OS9: variants seen among roughly 807,000 people sequenced by gnomAD.
The protein encoded by OS9 is OS9 endoplasmic reticulum lectin.
OS9 carries 58 observed loss-of-function variants against 84.7 expected under a neutral mutation model. The ratio of observed to expected loss-of-function variants is 0.68; its 90% CI spans 0.55 to 0.85. The LOEUF is 0.85. OS9 is among the 40% of genes least tolerant of loss of function. The probability of loss-of-function intolerance (pLI) is 0.00; values close to 1 mark genes in which losing one functional copy is unlikely to be tolerated. For synonymous variants in OS9, 278 were observed against 320.8 expected (o/e 0.87, Z 1.43); for missense variants, 760 against 850.9 (o/e 0.89, Z 1.33).
chr12:57,707,058 T>C (rs1305277534), intron 5 of OS9, among the ~76,000 whole-genome samples: 1 of 152,118 alleles, frequency 6.6e-6, no homozygotes, highest in Non-Finnish European at 1.5e-5. Context: ...TCAAATGTAT[T>C]AGTATAAAAT....
In OS9 at chr12:57,720,158, A is replaced by T; in HGVS notation, c.1660A>T (p.Asn554Tyr). The change falls in exon 13 of 15, where the codon AAT (asparagine) becomes TAT (tyrosine). Residue 554 changes from asparagine (N) to tyrosine (Y), a missense_variant. Physicochemically the swap from Asn to Tyr is moderately radical, Grantham distance 143. Coordinates refer to ENST00000315970, the MANE Select transcript of OS9 (RefSeq NM_006812.4). ...RVTKLRLGGP[N>Y]QDLTVLEMKR... ...CACCAAGCTCCGTCTCGGAGGCCCT[A>T]ATCAGGATCTGACTGTCCTCGAGAT... is the stretch of plus-strand genomic sequence containing the variant. The T allele has an allele frequency of 6.2e-7, 1 of 1,614,184 alleles. No homozygotes were observed. Among genetic ancestry groups the T allele is most frequent in the Non-Finnish European group, 8.5e-7 (1 of 1,180,018 alleles).
chr12:57,720,223 G>A lies in OS9; in HGVS notation c.1725G>A (p.Leu575=). 1 of 1,614,162 alleles carries A rather than the reference G, an allele frequency of 6.2e-7. No individual in the cohort carries two copies. The highest frequency in any genetic ancestry group is 8.5e-7 in the Non-Finnish European group (1 of 1,180,034). Residue 575 remains leucine (L), a synonymous_variant, in exon 13 of 15, where the codon CTG becomes CTA. Coordinates refer to ENST00000315970, the MANE Select transcript of OS9 (RefSeq NM_006812.4). ...ENPQLKQIEG[L]VKELLEREGL... is the part of the protein sequence containing the mutation. ...CACAGCTGAAACAAATCGAGGGGCT[G>A]GTGAAGGAGCTGCTGGAGAGGGAGG...
intron 9 of OS9, 104 bp downstream of exon 9, chr12:57,716,848 C>A: frequency 2.0e-6 from 2 of 1,002,838 alleles, no homozygotes; most frequent in Non-Finnish European, 3.2e-6. Context: ...GGTAGCCAGG[C>A]CGGCAGAAAA....
At chr12:57,719,888 G>T in intron 12 of OS9, 1 of 520,970 alleles carries the variant, frequency 1.9e-6, no homozygotes, top group Non-Finnish European at 3.4e-6. Context: ...GGGTAGGGCG[G>T]GAAGATGGAA....
intron 13 of OS9, 56 bp from the exon 14 acceptor site, chr12:57,720,350 C>G: frequency 6.3e-6 from 10 of 1,598,924 alleles, no homozygotes; most frequent in Non-Finnish European, 8.6e-6. Flanking sequence ...GGGCAGGGGG[C>G]CTGCCCTGAG....
chr12:57,696,568 G>T (rs1009155953), intron 5 of OS9, among the ~76,000 whole-genome samples, 195 bp downstream of exon 5: 1 of 151,568 alleles, frequency 6.6e-6, no homozygotes, highest in Non-Finnish European at 1.5e-5. Flanking sequence ...GGCCGAGGCG[G>T]GCAGATCACC....
In OS9 at chr12:57,715,872, C is replaced by A; in HGVS notation, c.692C>A (p.Pro231His). 1 of 1,613,692 alleles carries A rather than the reference C, an allele frequency of 6.2e-7. No individual in the cohort carries two copies. The highest frequency in any genetic ancestry group is 8.5e-7 in the Non-Finnish European group (1 of 1,179,746). The stretch of plus-strand genomic sequence containing the variant: ...CGCACTCCTCGGCTCTGCCCCCACC[C>A]TCTCCTCCGGCCCCCACCCAGTGCT... ...TIRTPRLCPH[P>H]LLRPPPSAAP... The change falls in exon 6 of 15, where the codon CCT (proline) becomes CAT (histidine). Residue 231 changes from proline (P) to histidine (H), a missense_variant. Transcript: ENST00000315970.
chr12:57,704,182 A>C (rs1954102145), intron 5 of OS9, among the ~76,000 whole-genome samples: 1 of 152,172 alleles, frequency 6.6e-6, no homozygotes, highest in South Asian at 2.1e-4. Context: ...TAATGCTTTT[A>C]ATATGCTGCT....
At position 57,720,791 on chromosome 12, in the gene OS9, G is replaced by A; in HGVS notation, c.1886G>A (p.Gly629Glu). The A allele has an allele frequency of 6.2e-7, 1 of 1,609,540 alleles. No individual in the cohort carries two copies. The highest frequency in any genetic ancestry group is 8.5e-7 in the Non-Finnish European group (1 of 1,177,594). ...KEIFFNILVPGAEEAQKERQR... is the reference protein window; with the variant it reads ...KEIFFNILVPEAEEAQKERQR... ...TCTACCCTCTCCCACCAGGTGCCGG[G>A]AGCTGAAGAGGCCCAGAAGGAACGC... Residue 629 changes from glycine (G) to glutamate (E), a missense_variant, in exon 15 of 15, where the codon GGA becomes GAA. By Grantham distance (98) the Gly-to-Glu change is moderately conservative. Transcript: ENST00000315970.
chr12:57,699,821 C>T (rs759783995), intron 5 of OS9, among the ~76,000 whole-genome samples: 5 of 152,122 alleles, frequency 3.3e-5, no homozygotes, highest in Admixed American at 1.3e-4. Flanking sequence ...CTCTGCTGGG[C>T]GCGGTGGCTC....
chr12:57,715,269 C>A (rs56318011), intron 5 of OS9, among the ~76,000 whole-genome samples: 9 of 151,740 alleles, frequency 5.9e-5, no homozygotes, highest in African/African-American at 1.9e-4. Context: ...AGGCTGAGGC[C>A]GGAGAATCGC....
intron 1 of OS9, 45 bp downstream of exon 1, chr12:57,694,368 G>C: frequency 6.2e-7 from 1 of 1,602,568 alleles, no homozygotes; most frequent in South Asian, 1.1e-5. Context: ...AAGAGGAAGC[G>C]GGTAAGAGAT....
At chr12:57,706,969 T>G (rs1401456842) in intron 5 of OS9, among the ~76,000 whole-genome samples, 1 of 152,018 alleles carries the variant, frequency 6.6e-6, no homozygotes, top group Non-Finnish European at 1.5e-5. Flanking sequence ...TTAAAGATTA[T>G]AAGACTTTTT....
intron 5 of OS9, among the ~76,000 whole-genome samples, chr12:57,698,094 G>A (rs528596100): frequency 6.6e-6 from 1 of 152,280 alleles, no homozygotes; most frequent in South Asian, 2.1e-4. Context: ...GGAAGGCAGG[G>A]ATGATGTCTA....
chr12:57,719,943 G>A, intron 12 of OS9, 156 bp from the exon 13 acceptor site: 1 of 678,250 alleles, frequency 1.5e-6, no homozygotes, highest in South Asian at 1.9e-5. Flanking sequence ...ACTGGGAGGG[G>A]CGGGGCACAC....
chr12:57,703,529 T>G (rs951782770), intron 5 of OS9, among the ~76,000 whole-genome samples: 2 of 152,230 alleles, frequency 1.3e-5, no homozygotes, highest in Non-Finnish European at 2.9e-5. Context: ...CATGGAATAT[T>G]CTTGGTATCC....
At chr12:57,701,433 G>A (rs1386070902) in intron 5 of OS9, among the ~76,000 whole-genome samples, 1 of 151,888 alleles carries the variant, frequency 6.6e-6, no homozygotes, top group East Asian at 1.9e-4. Flanking sequence ...CCACCACCAC[G>A]CCCAGTTAAT....
At chr12:57,698,884 G>A (rs1953940838) in intron 5 of OS9, among the ~76,000 whole-genome samples, 1 of 152,146 alleles carries the variant, frequency 6.6e-6, no homozygotes. Flanking sequence ...GGTTAGGGGA[G>A]GCAATGAGGT....
chr12:57,706,766 T>G (rs1256203510), intron 5 of OS9, among the ~76,000 whole-genome samples: 1 of 149,454 alleles, frequency 6.7e-6, no homozygotes, highest in Non-Finnish European at 1.5e-5. Context: ...GGAGGATTGC[T>G]TTAGTTGGAG....
Sources: gnomAD v4.1 joint callset for allele counts (sites outside exome capture counted in the v4.1 genomes callset) on GRCh38, gnomAD v4.1.1 for gene constraint, MANE v1.5 for transcripts, NCBI Gene and HGNC (gene_info 2026-07-23, HGNC 2026-07-21) for gene names.